Variants in SHISA9 observed in about 807,000 individuals in gnomAD.
The protein encoded by SHISA9 is protein shisa-9.
Under a neutral mutation model 38.0 loss-of-function variants are expected in SHISA9, and 13 were observed. The observed-to-expected ratio is 0.34, with a 90% CI of 0.22 to 0.54. The LOEUF (loss-of-function observed/expected upper bound fraction) is 0.54, where lower values mean the gene tolerates loss of function less well. SHISA9 is among the 20% of genes least tolerant of loss of function. The pLI, the probability that SHISA9 is intolerant of heterozygous loss-of-function variation, is 0.91. For synonymous variants in SHISA9, 275 were observed against 242.0 expected (o/e 1.14, Z -1.27); for missense variants, 538 against 575.8 (o/e 0.93, Z 0.67).
chr16:12,916,542 G>A (rs751985999), intron 1 of SHISA9, 146 bp from the exon 2 acceptor site: 229 of 934,266 alleles, frequency 2.5e-4, no homozygotes, highest in Non-Finnish European at 3.3e-4. Flanking sequence ...ATTTACTTAC[G>A]TTTTTCTCTA....
At chr16:13,402,884 CAAGGCGGGCAGG>C in the SHISA9 span, among the ~76,000 whole-genome samples, 1 of 152,140 alleles carries the variant, frequency 6.6e-6, no homozygotes, top group African/African-American at 2.4e-5. Flanking sequence ...TTTGGGAGGC[CAAGGCGGGCAGG>C]TCACAATGTC....
At chr16:13,115,904 C>T (rs2074027123) in intron 2 of SHISA9, among the ~76,000 whole-genome samples, 1 of 152,166 alleles carries the variant, frequency 6.6e-6, no homozygotes, top group Non-Finnish European at 1.5e-5. Flanking sequence ...ACCTTCCCTT[C>T]TGATGACCTA....
intron 2 of SHISA9, among the ~76,000 whole-genome samples, chr16:13,074,314 G>T (rs2073555424): frequency 6.6e-6 from 1 of 151,942 alleles, no homozygotes. Context: ...ATTTGTTATG[G>T]TTGCCACAGA....
At chr16:13,427,476 C>T in the SHISA9 span, among the ~76,000 whole-genome samples, 900 of 152,144 alleles carry the variant, frequency 5.9e-3, 9 homozygotes, top group African/African-American at 0.021. Flanking sequence ...CTCAAAAGAA[C>T]TGTAGGGAAT....
At chr16:13,145,549 A>G (rs898025192) in intron 2 of SHISA9, among the ~76,000 whole-genome samples, 1 of 152,188 alleles carries the variant, frequency 6.6e-6, no homozygotes, top group African/African-American at 2.4e-5. Context: ...CAACAAAAAA[A>G]GGTAGTTGTG....
At chr16:13,192,515 C>T (rs1484339000) in intron 2 of SHISA9, among the ~76,000 whole-genome samples, 2 of 151,982 alleles carry the variant, frequency 1.3e-5, no homozygotes, top group East Asian at 3.9e-4. Flanking sequence ...GATGGATGAA[C>T]CAAGCTGAAG....
the SHISA9 span, among the ~76,000 whole-genome samples, chr16:13,491,944 T>C: frequency 7.1e-6 from 1 of 140,992 alleles, no homozygotes. Context: ...CCCAAAGTAC[T>C]GAGATAACAA....
intron 2 of SHISA9, among the ~76,000 whole-genome samples, chr16:12,940,339 T>G (rs1312669149): frequency 6.6e-6 from 1 of 152,224 alleles, no homozygotes; most frequent in Non-Finnish European, 1.5e-5. Context: ...CTTGTCTGAA[T>G]ATGCCTAGGC....
chr16:12,925,449 G>GTA (rs2071382168), intron 2 of SHISA9, among the ~76,000 whole-genome samples: 2 of 88,352 alleles, frequency 2.3e-5, no homozygotes, highest in African/African-American at 1.1e-4. Context: ...GTGTGTGTAT[G>GTA]TGTGTGTGTG....
chr16:12,924,771 G>A (rs1448007077), intron 2 of SHISA9, among the ~76,000 whole-genome samples: 1 of 152,150 alleles, frequency 6.6e-6, no homozygotes, highest in Non-Finnish European at 1.5e-5. Context: ...ACATGGCTTT[G>A]AGGGAGTGCA....
chr16:13,243,390 A>G (rs2051449232), downstream of SHISA9, among the ~76,000 whole-genome samples: 1 of 152,172 alleles, frequency 6.6e-6, no homozygotes, highest in South Asian at 2.1e-4. Flanking sequence ...ACATCAATCA[A>G]GTACATTTAA....
chr16:13,452,910 T>G, the SHISA9 span, among the ~76,000 whole-genome samples: 1 of 151,720 alleles, frequency 6.6e-6, no homozygotes, highest in Non-Finnish European at 1.5e-5. Flanking sequence ...GTATAGCTTT[T>G]CTTTTCTTTT....
At chr16:13,204,188 TCTAC>T (rs1567247399) in intron 3 of SHISA9, among the ~76,000 whole-genome samples, 1 of 149,360 alleles carries the variant, frequency 6.7e-6, no homozygotes, top group Non-Finnish European at 1.5e-5. Flanking sequence ...CATCTTTCTA[TCTAC>T]CTATTATCTG....
the SHISA9 span, among the ~76,000 whole-genome samples, chr16:13,356,854 G>A: frequency 6.6e-6 from 1 of 152,142 alleles, no homozygotes; most frequent in Non-Finnish European, 1.5e-5. Flanking sequence ...AGATTTTGCA[G>A]GATGGAAAAA....
the SHISA9 span, among the ~76,000 whole-genome samples, chr16:13,425,908 T>G: frequency 6.6e-6 from 1 of 152,188 alleles, no homozygotes; most frequent in Non-Finnish European, 1.5e-5. Context: ...TGGCTTTGCC[T>G]GATCCTGCAA....
At chr16:13,353,344 A>C in the SHISA9 span, among the ~76,000 whole-genome samples, 2 of 152,170 alleles carry the variant, frequency 1.3e-5, no homozygotes, top group Non-Finnish European at 2.9e-5. Context: ...AATTGGGACG[A>C]CTCAGGATAT....
At chr16:13,361,348 G>A in the SHISA9 span, among the ~76,000 whole-genome samples, 6 of 152,124 alleles carry the variant, frequency 3.9e-5, no homozygotes, top group African/African-American at 9.7e-5. Context: ...TGCTTAAGCC[G>A]GAAACCTGGA....
chr16:13,015,776 A>G (rs1033445881), intron 2 of SHISA9, among the ~76,000 whole-genome samples: 2 of 151,596 alleles, frequency 1.3e-5, no homozygotes, highest in African/African-American at 2.4e-5. Context: ...TCTGGCGTCA[A>G]TTTCACAAAG....
At chr16:12,990,011 A>G (rs993655369) in intron 2 of SHISA9, among the ~76,000 whole-genome samples, 3 of 152,078 alleles carry the variant, frequency 2.0e-5, no homozygotes, top group Admixed American at 2.0e-4. Flanking sequence ...GCTCCCACTT[A>G]TAAGTGAGAA....
Sources: allele counts gnomAD v4.1 joint callset (sites outside exome capture counted in the v4.1 genomes callset), GRCh38; gene constraint gnomAD v4.1.1; transcripts MANE v1.5; gene names NCBI Gene and HGNC (gene_info 2026-07-23, HGNC 2026-07-21).